Variants in ATP10B observed in about 807,000 individuals in gnomAD.
ATP10B encodes ATPase phospholipid transporting 10B (putative).
A neutral mutation model predicts 141.2 loss-of-function variants in ATP10B; 122 were observed. The ratio of observed to expected loss-of-function variants is 0.86; its 90% confidence interval spans 0.75 to 1.00. The LOEUF is 1.00. Among genes scored for constraint, ATP10B ranks in the 50% least tolerant of loss-of-function variants. ATP10B has a pLI of 0.00. For missense variants in ATP10B, 1,876 were observed against 1,825.3 expected (o/e 1.03, Z -0.51); for synonymous variants, 685 against 692.0 (o/e 0.99, Z 0.16).
At position 160,617,896 on chromosome 5, in the gene ATP10B, C is replaced by T. The variant is rs189998416; in HGVS notation, c.2494G>A (p.Asp832Asn). ...TQKHLDLYAR[D>N]GLRTLCIAKK... ...GCAATGCATAGTGTGCGCAGGCCAT[C>T]TCTTGCATACAAGTCTAGATGCTTT... The change falls in exon 16 of 26, where the codon GAT becomes AAT. Residue 832 changes from aspartate to asparagine, a missense_variant. Asp to Asn is a conservative substitution (Grantham distance 23, BLOSUM62 1). Transcript: ENST00000327245. The T allele has an allele frequency of 7.4e-6, 12 of 1,614,190 alleles. No individual in the cohort carries two copies. In the East Asian group the frequency reaches 2.5e-4, roughly 33 times the overall value.
intron 9 of ATP10B, among the ~76,000 whole-genome samples, chr5:160,643,010 CT>C (rs1159662559): frequency 1.4e-5 from 2 of 140,376 alleles, no homozygotes; most frequent in Non-Finnish European, 3.1e-5. Flanking sequence ...TTACCATTTT[CT>C]TTTTTGGTAC....
chr5:160,770,199 T>C (rs902162650), intron 2 of ATP10B, among the ~76,000 whole-genome samples: 6 of 150,890 alleles, frequency 4.0e-5, no homozygotes, highest in African/African-American at 1.2e-4. Flanking sequence ...TCCTCTCTCT[T>C]CTCTCTCTCT....
chr5:160,604,173 G>A, intron 19 of ATP10B, 132 bp from the exon 20 acceptor site: 1 of 682,238 alleles, frequency 1.5e-6, no homozygotes, highest in Non-Finnish European at 2.6e-6. Flanking sequence ...GAAAGTCATT[G>A]CTATAGTGCT....
chr5:160,595,653 A>G (rs1300943870), intron 22 of ATP10B, among the ~76,000 whole-genome samples: 1 of 151,416 alleles, frequency 6.6e-6, no homozygotes, highest in Non-Finnish European at 1.5e-5. Flanking sequence ...AGCAAGATTA[A>G]TAAAGAAAAA....
chr5:160,907,862 A>G, the ATP10B span, among the ~76,000 whole-genome samples: 2 of 152,186 alleles, frequency 1.3e-5, no homozygotes, highest in Non-Finnish European at 2.9e-5. Flanking sequence ...TCCTTGTGAC[A>G]TAAGAGTGAT....
chr5:160,789,935 G>A (rs780629361), intron 1 of ATP10B, among the ~76,000 whole-genome samples: 9 of 152,140 alleles, frequency 5.9e-5, no homozygotes, highest in Non-Finnish European at 1.0e-4. Context: ...GTATATGTTT[G>A]CTGAGTATTC....
chr5:160,699,507 T>C (rs1161732296), intron 3 of ATP10B, among the ~76,000 whole-genome samples: 1 of 152,090 alleles, frequency 6.6e-6, no homozygotes, highest in Non-Finnish European at 1.5e-5. Flanking sequence ...TACATACCAA[T>C]TAGTACACCC....
At chr5:160,844,627 T>A (rs960333624) in intron 1 of ATP10B, among the ~76,000 whole-genome samples, 1 of 151,942 alleles carries the variant, frequency 6.6e-6, no homozygotes, top group African/African-American at 2.4e-5. Context: ...CTCACTGTAA[T>A]GTCCACCTCC....
intron 2 of ATP10B, among the ~76,000 whole-genome samples, chr5:160,734,232 C>G (rs577581288): frequency 6.6e-6 from 1 of 151,358 alleles, no homozygotes; most frequent in East Asian, 1.9e-4. Context: ...AAGGATTCTT[C>G]TTCAGGCTAT....
In ATP10B at chr5:160,606,995, C is replaced by T. The variant is rs375571186; in HGVS notation, c.2930G>A (p.Arg977His). ...QKPDRKLFGF[R>H]LPSKTPSITS... is the part of the protein sequence containing the mutation. ...GATGGATGGTGTCTTGGAAGGTAAG[C>T]GGAATCCAAAGAGCTTGCGGTCTGG... Residue 977 changes from arginine (R) to histidine (H), a missense_variant, in exon 19 of 26, where the codon CGC (arginine) becomes CAC (histidine). Transcript: ENST00000327245. 8.1e-6 allele frequency: 13 copies of T among 1,613,978 alleles called. No homozygotes were observed. The highest frequency in any genetic ancestry group is 1.7e-5 in the Admixed American group (1 of 59,976).
chr5:160,874,263 C>A, the ATP10B span, among the ~76,000 whole-genome samples: 1 of 62,398 alleles, frequency 1.6e-5, no homozygotes, highest in Non-Finnish European at 4.6e-5. Flanking sequence ...AGGCACCCCC[C>A]AGGAGGGTAC....
chr5:160,771,642 C>T (rs1581501423), intron 2 of ATP10B, among the ~76,000 whole-genome samples: 1 of 151,652 alleles, frequency 6.6e-6, no homozygotes, highest in African/African-American at 2.4e-5. Context: ...TAGTCTCTCC[C>T]CACTTTTTGT....
the ATP10B span, among the ~76,000 whole-genome samples, chr5:160,889,842 ATCT>A: frequency 6.6e-6 from 1 of 152,092 alleles, no homozygotes; most frequent in Non-Finnish European, 1.5e-5. Context: ...TATGCTGAAC[ATCT>A]TCTCATATCT....
At chr5:160,793,524 G>T (rs1379603902) in intron 1 of ATP10B, among the ~76,000 whole-genome samples, 1 of 152,178 alleles carries the variant, frequency 6.6e-6, no homozygotes, top group Non-Finnish European at 1.5e-5. Context: ...ATCAACAATG[G>T]ATCGTGTATG....
In ATP10B at chr5:160,833,505, C is replaced by T. The variant is rs971989708; in HGVS notation, c.-576+18436G>A. 1.2e-4 allele frequency among the ~76,000 whole-genome samples: 19 copies of T among 152,222 alleles called. No homozygotes were observed. In the South Asian group the frequency reaches 2.1e-3, roughly 17 times the overall value. ...TTCAAGGAGTTAATATTTATTTCAT[C>T]CTGTTTGATTTTCCCACACAATGTC... On this transcript the variant is annotated intron_variant, in intron 1 of 25. Coordinates refer to ENST00000327245, the MANE Select transcript of ATP10B (RefSeq NM_025153.3).
At chr5:160,899,266 A>G in the ATP10B span, among the ~76,000 whole-genome samples, 2 of 152,138 alleles carry the variant, frequency 1.3e-5, no homozygotes, top group Admixed American at 1.3e-4. Flanking sequence ...ATGAAGAAAA[A>G]TACTGTGAGC....
At chr5:160,673,860 ACT>A (rs1561736998) in intron 6 of ATP10B, among the ~76,000 whole-genome samples, 3 of 152,066 alleles carry the variant, frequency 2.0e-5, no homozygotes, top group Admixed American at 6.6e-5. Flanking sequence ...AATGGTCCAT[ACT>A]CTCTGTGAGA....
intron 11 of ATP10B, among the ~76,000 whole-genome samples, chr5:160,635,114 A>G (rs1200459188): frequency 6.7e-6 from 1 of 149,714 alleles, no homozygotes; most frequent in African/African-American, 2.4e-5. Flanking sequence ...ATAAATATAT[A>G]TGAGTGGTGG....
the ATP10B span, among the ~76,000 whole-genome samples, chr5:160,929,354 G>A: frequency 1.3e-5 from 2 of 152,126 alleles, no homozygotes; most frequent in African/African-American, 4.8e-5. Context: ...AAAGGGGAGC[G>A]ACTGACAGAG....
Sources: allele counts gnomAD v4.1 joint callset (sites outside exome capture counted in the v4.1 genomes callset), GRCh38; gene constraint gnomAD v4.1.1; transcripts MANE v1.5; gene names NCBI Gene and HGNC (gene_info 2026-07-23, HGNC 2026-07-21).